Variants in ABCA10 observed in about 807,000 individuals in gnomAD.
ABCA10 encodes ATP binding cassette subfamily A member 10.
A neutral mutation model predicts 187.5 loss-of-function variants in ABCA10; 169 were observed. That is an observed-to-expected ratio of 0.90 (90% CI 0.80 to 1.02). The LOEUF is 1.02. Among genes scored for constraint, ABCA10 ranks in the 50% least tolerant of loss-of-function variants. ABCA10 has a pLI of 0.00. For synonymous variants in ABCA10, 574 were observed against 601.8 expected (o/e 0.95, Z 0.68); for missense variants, 1,727 against 1,812.4 (o/e 0.95, Z 0.86).
At chr17:69,209,773 G>C (rs1307144866) in intron 9 of ABCA10, among the ~76,000 whole-genome samples, 1 of 152,084 alleles carries the variant, frequency 6.6e-6, no homozygotes, top group Non-Finnish European at 1.5e-5. Context: ...AGTCTACTAC[G>C]CACCTAGGCT....
At chr17:69,219,955 G>A (rs975176997) in intron 5 of ABCA10, among the ~76,000 whole-genome samples, 184 bp from the exon 6 acceptor site, 15 of 152,150 alleles carry the variant, frequency 9.9e-5, no homozygotes, top group African/African-American at 3.1e-4. Flanking sequence ...AGAGTCATTT[G>A]AGAAATTACT....
At chr17:69,162,018 CAATT>C (rs1479322188) in intron 27 of ABCA10, among the ~76,000 whole-genome samples, 2 of 152,176 alleles carry the variant, frequency 1.3e-5, no homozygotes, top group Non-Finnish European at 2.9e-5. Flanking sequence ...AGAGGACTGA[CAATT>C]AACAGCAGAA....
At chr17:69,238,293 G>T (rs1048378400) in intron 1 of ABCA10, among the ~76,000 whole-genome samples, 16 of 152,106 alleles carry the variant, frequency 1.1e-4, no homozygotes, top group Non-Finnish European at 2.1e-4. Flanking sequence ...CTCTAGAACT[G>T]TAAGAGAATA....
rs1213175902 is a variant in ABCA10, at chr17:69,239,669, T to C, written c.-593+4860A>G. 4.6e-5 allele frequency among the ~76,000 whole-genome samples: 7 copies of C among 152,126 alleles called. 1 individual carries two copies. Among genetic ancestry groups the C allele is most frequent in the Admixed American group, 3.9e-4 (6 of 15,270 alleles). On this transcript the variant is annotated intron_variant, in intron 1 of 39. Transcript: ENST00000269081. ...CAGTAATTGTGTCCCCATGGTTTCT[T>C]AGGTTTCTAATTGTTGAGTGCTGCC...
At position 69,221,836 on chromosome 17, in the gene ABCA10, C is replaced by G. The variant is rs1266341075; in HGVS notation, c.259G>C (p.Gly87Arg). 1.2e-6 allele frequency: 2 copies of G among 1,613,322 alleles called. No individual in the cohort carries two copies. The highest frequency in any genetic ancestry group is 2.2e-5 in the South Asian group (2 of 90,880). The change falls in exon 5 of 39, where the codon GGG (glycine) becomes CGG (arginine). Residue 87 changes from glycine to arginine, a missense_variant. Gly to Arg is a moderately radical substitution (Grantham distance 125). Coordinates refer to ENST00000690296, the MANE Select transcript of ABCA10 (RefSeq NM_001377321.1). ...ATTGCAGCTTGAAAAGCTACAAACC[C>G]TTTTAGCCAGTACTTTGCCAAGTAA... ...FCYLAKYWLKGFVAFQAAINA... is the reference protein window; with the variant it reads ...FCYLAKYWLKRFVAFQAAINA...
At chr17:69,187,943 T>C in intron 18 of ABCA10, 64 bp from the exon 19 acceptor site, 5 of 1,462,862 alleles carry the variant, frequency 3.4e-6, no homozygotes, top group Non-Finnish European at 2.8e-6. Flanking sequence ...TTAAAAACTT[T>C]GAAAATGATG....
In ABCA10 at chr17:69,194,429, G is replaced by C. The variant is rs776289485; in HGVS notation, c.1301C>G (p.Ser434Ter). 6 of 1,612,950 alleles carry C rather than the reference G, an allele frequency of 3.7e-6. No individual in the cohort carries two copies. The African/African-American group carries it at 8.0e-5, about 22-fold the overall frequency. Reference protein sequence around the residue: ...AILGHNGAGKSTLLNILSGLS... With the variant: ...AILGHNGAGK ...TCCACTAAGAATGTTTAGCAGTGTT[G>C]ATTTACCAGCTCCATTATGCCCAAG... The change falls in exon 12 of 39, where the codon TCA (serine) becomes TGA (stop). Residue 434 changes from serine to a stop codon, truncating the protein, a stop_gained. Transcript: ENST00000690296. LOFTEE classifies it high-confidence loss of function.
At chr17:69,149,359 T>C (rs2074111103) in intron 37 of ABCA10, 2 of 388,452 alleles carry the variant, frequency 5.1e-6, no homozygotes, top group Non-Finnish European at 9.2e-6. Flanking sequence ...TGCTTTGGAC[T>C]CCAAATCAGT....
At chr17:69,232,614 G>A (rs930117091), upstream of ABCA10, among the ~76,000 whole-genome samples, 2 of 151,804 alleles carry the variant, frequency 1.3e-5, no homozygotes, top group Admixed American at 6.6e-5. Context: ...TAATAGTTTT[G>A]ACTTTTATTC....
In ABCA10 at chr17:69,154,322, T is replaced by A. The variant is rs1177113104; in HGVS notation, c.3699A>T (p.Glu1233Asp). The change falls in exon 31 of 39, where the codon GAA becomes GAT. Residue 1233 changes from glutamate to aspartate, a missense_variant. Glu to Asp is a conservative substitution (Grantham distance 45). Transcript: ENST00000690296. ...RNVSFCVKKG[E>D]VLGLLGHNGA... ...CATTGTGTCCTAGTAATCCCAAAACTTCACCTGGAAGAAAGAGTCACCATC... is the reference window on the plus strand; with the variant it reads ...CATTGTGTCCTAGTAATCCCAAAACATCACCTGGAAGAAAGAGTCACCATC... The A allele has an allele frequency of 1.1e-5, 17 of 1,585,488 alleles. No homozygotes were observed. Among genetic ancestry groups the A allele is most frequent in the Non-Finnish European group, 1.4e-5 (17 of 1,173,224 alleles).
chr17:69,229,779 A>C (rs189377775), upstream of ABCA10, among the ~76,000 whole-genome samples: 117 of 152,074 alleles, frequency 7.7e-4, no homozygotes, highest in African/African-American at 2.8e-3. Flanking sequence ...CATTACTAGA[A>C]GTAAAAGTTC....
intron 37 of ABCA10, 61 bp from the exon 38 acceptor site, chr17:69,149,149 C>T (rs1014235): frequency 0.13 from 206,545 of 1,567,670 alleles, 14,750 homozygotes; most frequent in Middle Eastern, 0.19. Context: ...TTTGTAAAGT[C>T]ATACAATAGA....
chr17:69,179,724 C>T (rs774440797), intron 22 of ABCA10, among the ~76,000 whole-genome samples: 2 of 152,152 alleles, frequency 1.3e-5, no homozygotes, highest in African/African-American at 2.4e-5. Context: ...ATATTCTCTA[C>T]GGAATTCTCT....
chr17:69,184,896 C>CACAT (rs2074409316), intron 20 of ABCA10, among the ~76,000 whole-genome samples: 1 of 142,766 alleles, frequency 7.0e-6, no homozygotes, highest in Non-Finnish European at 1.5e-5. Context: ...CACACACATA[C>CACAT]ATATATATAA....
chr17:69,196,662 G>A (rs1021893795), intron 11 of ABCA10, among the ~76,000 whole-genome samples: 8 of 152,222 alleles, frequency 5.3e-5, no homozygotes, highest in Non-Finnish European at 7.3e-5. Context: ...CAAGGCAGGC[G>A]GCTGGGAGGT....
At chr17:69,175,639 A>T (rs971826014) in intron 22 of ABCA10, 126 bp from the exon 23 acceptor site, 4 of 690,002 alleles carry the variant, frequency 5.8e-6, no homozygotes, top group African/African-American at 1.9e-5. Flanking sequence ...AAGCAAAGAG[A>T]CAAGCAAACA....
Position 69,148,828 on chromosome 17 carries a change from T to C in ABCA10, c.4631A>G (p.Ter1544=), listed in dbSNP as rs1395386950. Residue 1544 remains the stop codon, a stop_retained_variant, in exon 39 of 39, where the codon TAA becomes TGA. Coordinates refer to ENST00000690296, the MANE Select transcript of ABCA10 (RefSeq NM_001377321.1). The part of the protein sequence containing the change: ...EWKLLPQEDP[*] Reference sequence around the variant, plus strand: ...TTGAATGTTAGGAGGTTCTTCATTTTAAGGGTCTTCCTGTGGGAGAAGTTT... The same window carrying C: ...TTGAATGTTAGGAGGTTCTTCATTTCAAGGGTCTTCCTGTGGGAGAAGTTT... 4 of 1,610,980 alleles carry C rather than the reference T, an allele frequency of 2.5e-6. No homozygotes were observed. Among genetic ancestry groups the C allele is most frequent in the Non-Finnish European group, 3.4e-6 (4 of 1,178,884 alleles).
chr17:69,228,341 G>A (rs2074808962), intron 1 of ABCA10, among the ~76,000 whole-genome samples: 1 of 151,870 alleles, frequency 6.6e-6, no homozygotes, highest in African/African-American at 2.4e-5. Flanking sequence ...AGAATTTATT[G>A]TCTGATAATA....
At chr17:69,177,969 A>ATATATATATATATATATATG (rs1293769286) in intron 22 of ABCA10, among the ~76,000 whole-genome samples, 1 of 54,964 alleles carries the variant, frequency 1.8e-5, no homozygotes, top group African/African-American at 3.9e-5. Flanking sequence ...AAAAAAAAAA[A>ATATATATATATATATATATG]AAAAATATAT....
Sources: gnomAD v4.1 joint callset for allele counts (sites outside exome capture counted in the v4.1 genomes callset) on GRCh38, gnomAD v4.1.1 for gene constraint, MANE v1.5 for transcripts, NCBI Gene and HGNC (gene_info 2026-07-23, HGNC 2026-07-21) for gene names.